The following RIN2 variants were observed in gnomAD, a reference collection of about 807,000 sequenced individuals.
RIN2 encodes the protein Ras and Rab interactor 2.
In RIN2, 36 loss-of-function variants were observed where a neutral mutation model predicts 78.0. The ratio of observed to expected loss-of-function variants is 0.46; its 90% confidence interval spans 0.35 to 0.61. The LOEUF (loss-of-function observed/expected upper bound fraction) is 0.61, where lower values mean the gene tolerates loss of function less well. RIN2 is among the 20% of genes least tolerant of loss of function. RIN2 has a pLI of 0.00. For missense variants in RIN2, 1,087 were observed against 1,159.7 expected, an observed-to-expected ratio of 0.94 and a Z score of 0.91; for synonymous variants, 466 against 466.8, an observed-to-expected ratio of 1.00 and a Z score of 0.02.
At chr20:19,841,010 T>A (rs2036559581) in intron 2 of RIN2, among the ~76,000 whole-genome samples, 1 of 152,136 alleles carries the variant, frequency 6.6e-6, no homozygotes, top group Non-Finnish European at 1.5e-5. Flanking sequence ...AAGTTATCTG[T>A]TCTTTAGGGA....
At chr20:19,903,297 G>T (rs1177449659) in intron 3 of RIN2, among the ~76,000 whole-genome samples, 1 of 152,050 alleles carries the variant, frequency 6.6e-6, no homozygotes, top group African/African-American at 2.4e-5. Flanking sequence ...GCCAGCGCTC[G>T]TGTGTGTCGA....
chr20:19,793,740 G>A (rs2034961080), intron 1 of RIN2, among the ~76,000 whole-genome samples: 1 of 152,202 alleles, frequency 6.6e-6, no homozygotes, highest in Non-Finnish European at 1.5e-5. Flanking sequence ...TAGGATTACA[G>A]AACAATGTTT....
At chr20:19,803,208 T>C (rs1404671610) in intron 2 of RIN2, among the ~76,000 whole-genome samples, 1 of 152,210 alleles carries the variant, frequency 6.6e-6, no homozygotes, top group Non-Finnish European at 1.5e-5. Flanking sequence ...CTTTCAACCC[T>C]AGCAGATGCA....
At chr20:19,888,204 T>C (rs1418981478) in intron 2 of RIN2, among the ~76,000 whole-genome samples, 2 of 152,084 alleles carry the variant, frequency 1.3e-5, no homozygotes, top group African/African-American at 4.8e-5. Flanking sequence ...AAAGAGACGA[T>C]GGTTCTGGAA....
intron 4 of RIN2, among the ~76,000 whole-genome samples, chr20:19,948,633 A>T (rs1377851315): frequency 1.3e-5 from 2 of 152,050 alleles, no homozygotes; most frequent in African/African-American, 2.4e-5. Flanking sequence ...AGTACATTTT[A>T]AATATTTGTT....
intron 2 of RIN2, among the ~76,000 whole-genome samples, chr20:19,863,109 GAAA>G (rs1298610379): frequency 3.9e-5 from 6 of 152,100 alleles, no homozygotes; most frequent in African/African-American, 1.4e-4. Context: ...ATCTGAATAG[GAAA>G]AATCAAGAGG....
rs183147942 is a variant in RIN2, at chr20:19,870,237, T to C, written c.-36-19329T>C. On this transcript the variant is annotated intron_variant, in intron 2 of 12. Transcript: ENST00000255006. ...CTTTGATCTAAACCCGAGATGCCAA[T>C]TGTTATCATTTTTCCCAATAATGTC... Among the ~76,000 whole-genome samples the C allele has an allele frequency of 1.3e-3, 198 of 152,308 alleles. 1 individual carries two copies. The highest frequency in any genetic ancestry group is 4.7e-3 in the African/African-American group (195 of 41,574).
At chr20:19,962,074 G>A (rs1395244186) in intron 6 of RIN2, among the ~76,000 whole-genome samples, 1 of 151,628 alleles carries the variant, frequency 6.6e-6, no homozygotes, top group African/African-American at 2.4e-5. Context: ...GCCAAGGCCA[G>A]AGGGTTGCTT....
chr20:19,943,864 T>A (rs1157908258), intron 4 of RIN2, among the ~76,000 whole-genome samples: 4 of 152,080 alleles, frequency 2.6e-5, no homozygotes, highest in African/African-American at 9.7e-5. Flanking sequence ...TGCTGTCAAC[T>A]GTGTTAGCCA....
intron 2 of RIN2, among the ~76,000 whole-genome samples, chr20:19,835,019 A>G (rs2036369419): frequency 6.6e-6 from 1 of 152,014 alleles, no homozygotes; most frequent in Non-Finnish European, 1.5e-5. Context: ...AGAAAAAGAG[A>G]GAGAGAAAAA....
At chr20:19,857,297 A>C (rs894777411) in intron 2 of RIN2, among the ~76,000 whole-genome samples, 1 of 152,102 alleles carries the variant, frequency 6.6e-6, no homozygotes, top group Non-Finnish European at 1.5e-5. Flanking sequence ...ACGTTGCTTC[A>C]TATATCAGTA....
At chr20:19,842,441 C>T (rs1017523687) in intron 2 of RIN2, among the ~76,000 whole-genome samples, 1 of 116,646 alleles carries the variant, frequency 8.6e-6, no homozygotes. Flanking sequence ...GGGGTTTCGC[C>T]ATGTTGGCCA....
In RIN2 at chr20:19,975,408, G is replaced by A. The variant is rs537995459; in HGVS notation, c.1383G>A (p.Leu461=). 2 of 1,614,078 alleles carry A rather than the reference G, an allele frequency of 1.2e-6. No homozygotes were observed. The highest frequency in any genetic ancestry group is 1.7e-5 in the Admixed American group (1 of 60,028). Residue 461 remains leucine, a synonymous_variant, in exon 9 of 13, where the codon CTG becomes CTA. Coordinates refer to ENST00000255006, the MANE Select transcript of RIN2 (RefSeq NM_018993.4). The surrounding 1 kb of genome is among the most constrained non-coding windows in gnomAD (Gnocchi z 4.9). ...FGYEADTNSS[L]EDYEGESDQE... ...ACGAGGCGGACACCAACAGCAGCCT[G>A]GAGGACTACGAGGGGGAAAGTGACC...
At chr20:19,778,163 A>G (rs903926603) in intron 1 of RIN2, among the ~76,000 whole-genome samples, 2 of 152,242 alleles carry the variant, frequency 1.3e-5, no homozygotes, top group African/African-American at 4.8e-5. Flanking sequence ...CTACATGCAT[A>G]GGGCTCCCTG....
intron 2 of RIN2, among the ~76,000 whole-genome samples, chr20:19,859,440 G>A (rs1462248531): frequency 1.3e-5 from 2 of 152,150 alleles, no homozygotes; most frequent in African/African-American, 4.8e-5. Flanking sequence ...TGCATAAAAT[G>A]CCAATTTCCC....
chr20:19,983,708 A>C (rs1264605901), intron 9 of RIN2, among the ~76,000 whole-genome samples: 2 of 152,198 alleles, frequency 1.3e-5, no homozygotes, highest in Non-Finnish European at 2.9e-5. Context: ...GGAAGTACGC[A>C]TGCAGAATTC....
intron 5 of RIN2, among the ~76,000 whole-genome samples, chr20:19,957,656 G>A (rs376159579): frequency 2.6e-5 from 4 of 151,250 alleles, no homozygotes; most frequent in East Asian, 2.0e-4. Flanking sequence ...CAGTCTGGGC[G>A]ACAGAGCAAG....
chr20:19,852,802 A>G (rs1415927775), intron 2 of RIN2, among the ~76,000 whole-genome samples: 1 of 152,174 alleles, frequency 6.6e-6, no homozygotes, highest in Non-Finnish European at 1.5e-5. Context: ...TCACCTAGTC[A>G]CTTAAGACTG....
At chr20:19,890,391 C>T (rs1008565406) in intron 3 of RIN2, among the ~76,000 whole-genome samples, 1 of 151,726 alleles carries the variant, frequency 6.6e-6, no homozygotes, top group Non-Finnish European at 1.5e-5. Context: ...CATTCACCCT[C>T]GAATTAAGGC....
Sources: gnomAD v4.1 joint callset for allele counts (sites outside exome capture counted in the v4.1 genomes callset) on GRCh38, gnomAD v4.1.1 for gene constraint, Gnocchi (gnomAD v3.1) non-coding constraint, MANE v1.5 for transcripts, NCBI Gene and HGNC (gene_info 2026-07-23, HGNC 2026-07-21) for gene names.